STON2: variants seen among roughly 807,000 people sequenced by gnomAD.
STON2 encodes the protein stonin 2, also known as stonin-2.
A neutral mutation model predicts 65.7 loss-of-function variants in STON2; 29 were observed. The observed-to-expected ratio is 0.44, with a 90% CI of 0.33 to 0.60. The LOEUF (loss-of-function observed/expected upper bound fraction) is 0.60, where lower values mean the gene tolerates loss of function less well. STON2 is among the 20% of genes least tolerant of loss of function. STON2 has a pLI of 0.03. For synonymous variants in STON2, 404 were observed against 414.2 expected (o/e 0.98, Z 0.30); for missense variants, 1,054 against 1,118.1 (o/e 0.94, Z 0.82).
At chr14:81,297,083 A>C (rs1308808543) in intron 5 of STON2, among the ~76,000 whole-genome samples, 1 of 152,006 alleles carries the variant, frequency 6.6e-6, no homozygotes, top group Non-Finnish European at 1.5e-5. Flanking sequence ...CACTTTGGTG[A>C]CTCCTGGAGT....
chr14:81,263,266 C>T lies in STON2; in HGVS notation c.*5148G>A, dbSNP rs1320164305. ...AACATTATGCTATTTTGGCCAGGCG[C>T]GGCGGCTCATGCCTGTTATCCTAGC... On this transcript the variant is annotated 3_prime_UTR_variant, in exon 8 of 8. Coordinates refer to ENST00000614646, the MANE Select transcript of STON2 (RefSeq NM_001394390.1). 7.4e-6 allele frequency: 5 copies of T among 672,196 alleles called. No homozygotes were observed. The highest frequency in any genetic ancestry group is 9.2e-6 in the Non-Finnish European group (5 of 544,104). 41.6% of individuals were successfully genotyped at this position (672,196 alleles called of 1,614,324 possible). A position where few individuals can be genotyped will look rare whatever the true frequency, so the allele number is the denominator to read the frequency against.
At chr14:81,394,459 A>T (rs1190405091) in intron 3 of STON2, among the ~76,000 whole-genome samples, 1 of 152,164 alleles carries the variant, frequency 6.6e-6, no homozygotes, top group African/African-American at 2.4e-5. Context: ...ATTCTACCCC[A>T]AGATGTCCAC....
chr14:81,307,011 T>A (rs997118498), intron 5 of STON2, among the ~76,000 whole-genome samples: 2 of 152,184 alleles, frequency 1.3e-5, no homozygotes, highest in Admixed American at 6.5e-5. Flanking sequence ...GTCAAGTTGA[T>A]CATGAATAGC....
intron 1 of STON2, among the ~76,000 whole-genome samples, chr14:81,434,532 A>G (rs564055065): frequency 6.6e-6 from 1 of 152,302 alleles, no homozygotes; most frequent in Admixed American, 6.5e-5. Context: ...GGCTCCTGGC[A>G]AAAGCACAAG....
At chr14:81,346,850 G>A (rs1490215464) in intron 4 of STON2, among the ~76,000 whole-genome samples, 3 of 152,028 alleles carry the variant, frequency 2.0e-5, no homozygotes, top group Admixed American at 6.6e-5. Context: ...ATTTAAGAAC[G>A]AAACGAAAAC....
At chr14:81,300,706 C>T (rs1283459895) in intron 5 of STON2, among the ~76,000 whole-genome samples, 6 of 152,064 alleles carry the variant, frequency 3.9e-5, no homozygotes, top group East Asian at 1.9e-4. Flanking sequence ...GACTCTCGTG[C>T]GTCATTGGTG....
rs1270515716 is a variant in STON2 at position 81,260,748 on chromosome 14, G to A, written c.*7666C>T. 6.6e-6 allele frequency: 1 copy of A among 151,326 alleles called. No homozygotes were observed. Among genetic ancestry groups the A allele is most frequent in the Non-Finnish European group, 1.5e-5 (1 of 67,904 alleles). The allele number at this position is 151,326 out of a possible 1,614,324, so 9.4% of individuals were successfully genotyped here. A position where few individuals can be genotyped will look rare whatever the true frequency, so the allele number is the denominator to read the frequency against. ...AAAAACAAAACCTCACCTCTACAGAGATAGCCAGTGTGTAGACTTTATTAC... is the reference window on the plus strand; with the variant it reads ...AAAAACAAAACCTCACCTCTACAGAAATAGCCAGTGTGTAGACTTTATTAC... On this transcript the variant is annotated 3_prime_UTR_variant, in exon 8 of 8. Transcript: ENST00000614646.
chr14:81,299,125 G>C (rs1412955099), intron 5 of STON2, among the ~76,000 whole-genome samples: 1 of 152,156 alleles, frequency 6.6e-6, no homozygotes, highest in Non-Finnish European at 1.5e-5. Flanking sequence ...ACTGTATTTG[G>C]TACTAGAATC....
intron 5 of STON2, among the ~76,000 whole-genome samples, chr14:81,316,285 G>GTCTA (rs1266516640): frequency 6.6e-6 from 1 of 152,142 alleles, no homozygotes; most frequent in Non-Finnish European, 1.5e-5. Context: ...TCTCCTCGCC[G>GTCTA]TCTATTTCAG....
At chr14:81,361,239 T>C (rs7147969) in intron 4 of STON2, among the ~76,000 whole-genome samples, 58,822 of 151,784 alleles carry the variant, frequency 0.39, 11,670 homozygotes, top group South Asian at 0.58. Context: ...TATCACACCA[T>C]ATTACTTGAA....
intron 4 of STON2, among the ~76,000 whole-genome samples, chr14:81,341,985 T>C (rs1207637856): frequency 6.6e-6 from 1 of 152,220 alleles, no homozygotes; most frequent in Non-Finnish European, 1.5e-5. Context: ...GACTCATCCC[T>C]GGCATTCACA....
intron 5 of STON2, among the ~76,000 whole-genome samples, chr14:81,291,623 A>G (rs1895555545): frequency 6.6e-6 from 1 of 151,738 alleles, no homozygotes; most frequent in African/African-American, 2.4e-5. Context: ...TTATGTTACA[A>G]AACATTAACT....
intron 2 of STON2, chr14:81,418,139 AG>A (rs1304823442): frequency 2.6e-5 from 4 of 153,016 alleles, no homozygotes; most frequent in Non-Finnish European, 5.8e-5. Context: ...AATTTACAAA[AG>A]AAAAAGGTTT....
intron 5 of STON2, among the ~76,000 whole-genome samples, chr14:81,311,226 G>A (rs185422773): frequency 6.6e-6 from 1 of 152,234 alleles, no homozygotes; most frequent in Non-Finnish European, 1.5e-5. Context: ...AAAGAGCAAT[G>A]GAATAGGAGG....
Position 81,270,827 on chromosome 14 carries a change from G to A in STON2, c.2627C>T (p.Ser876Phe), listed in dbSNP as rs201092611. ...HCFFCHLELG[S>F]DREVPSRFAN... ...AAATCTGGAAGGCACTTCCCGGTCA[G>A]AGCCGAGTTCAAGGTGGCAAAAGAA... The change falls in exon 7 of 8, where the codon TCT (serine) becomes TTT (phenylalanine). Residue 876 changes from serine (S) to phenylalanine (F), a missense_variant. Coordinates refer to ENST00000614646, the MANE Select transcript of STON2 (RefSeq NM_001394390.1). The A allele has an allele frequency of 5.5e-5, 88 of 1,613,872 alleles. No homozygotes were observed. Among genetic ancestry groups the A allele is most frequent in the Non-Finnish European group, 7.4e-5 (87 of 1,180,036 alleles).
Position 81,270,814 on chromosome 14 carries a change from C to T in STON2, c.2640G>A (p.Val880=), listed in dbSNP as rs987596021. ...CHLELGSDRE[V]PSRFANHVNV... ...TCACGTGATTGGCAAATCTGGAAGG[C>T]ACTTCCCGGTCAGAGCCGAGTTCAA... The change falls in exon 7 of 8, where the codon GTG becomes GTA. Residue 880 remains valine (V), a synonymous_variant. Coordinates refer to ENST00000614646, the MANE Select transcript of STON2 (RefSeq NM_001394390.1). 8 of 1,613,888 alleles carry T rather than the reference C, an allele frequency of 5.0e-6. No individual in the cohort carries two copies. The Admixed American group carries it at 1.0e-4, about 20-fold the overall frequency.
chr14:81,280,904 G>A (rs1051602833), intron 5 of STON2, among the ~76,000 whole-genome samples: 4 of 151,872 alleles, frequency 2.6e-5, no homozygotes, highest in South Asian at 2.1e-4. Flanking sequence ...CTAGATATTC[G>A]GGAGGCGGAG....
At chr14:81,372,233 T>C (rs1899029655) in intron 3 of STON2, among the ~76,000 whole-genome samples, 1 of 152,140 alleles carries the variant, frequency 6.6e-6, no homozygotes, top group Non-Finnish European at 1.5e-5. Context: ...TCCTATCACA[T>C]GCTGCCTCCA....
chr14:81,300,351 GA>G (rs1895924968), intron 5 of STON2, among the ~76,000 whole-genome samples: 1 of 151,916 alleles, frequency 6.6e-6, no homozygotes, highest in African/African-American at 2.4e-5. Context: ...GGAAAACATA[GA>G]AAAATATCTC....
Sources: allele counts gnomAD v4.1 joint callset (sites outside exome capture counted in the v4.1 genomes callset), GRCh38; gene constraint gnomAD v4.1.1; transcripts MANE v1.5; gene names NCBI Gene and HGNC (gene_info 2026-07-23, HGNC 2026-07-21).